ATG10: variants seen among roughly 807,000 people sequenced by gnomAD.
The protein encoded by ATG10 is ubiquitin-like-conjugating enzyme ATG10.
Under a neutral mutation model 32.1 loss-of-function variants are expected in ATG10, and 30 were observed. The ratio of observed to expected loss-of-function variants is 0.94; its 90% CI spans 0.70 to 1.27. The LOEUF (loss-of-function observed/expected upper bound fraction) is 1.27, where lower values mean the gene tolerates loss of function less well. ATG10 is among the 50% of genes most tolerant of loss of function. The probability of loss-of-function intolerance (pLI) is 0.00; values close to 1 mark genes in which losing one functional copy is unlikely to be tolerated. For missense variants in ATG10, 233 were observed against 262.3 expected (o/e 0.89, Z 0.77); for synonymous variants, 87 against 91.5 (o/e 0.95, Z 0.28).
chr5:82,064,149 A>G (rs1270805073), intron 3 of ATG10, among the ~76,000 whole-genome samples: 2 of 152,208 alleles, frequency 1.3e-5, no homozygotes, highest in African/African-American at 4.8e-5. Context: ...ATAATTAATA[A>G]GTTTTATAAT....
At chr5:82,065,854 T>C (rs1269643716) in intron 3 of ATG10, among the ~76,000 whole-genome samples, 1 of 152,126 alleles carries the variant, frequency 6.6e-6, no homozygotes, top group Admixed American at 6.5e-5. Context: ...TATTAACTCT[T>C]AAAATTTTTG....
At chr5:82,073,209 C>T (rs1764180172) in intron 3 of ATG10, 1 of 152,178 alleles carries the variant, frequency 6.6e-6, no homozygotes, top group Non-Finnish European at 1.5e-5. Flanking sequence ...ATACCTGAAA[C>T]CAAGGTTCAT....
intron 3 of ATG10, among the ~76,000 whole-genome samples, chr5:82,091,896 A>G (rs1402484906): frequency 6.6e-6 from 1 of 152,228 alleles, no homozygotes; most frequent in African/African-American, 2.4e-5. Flanking sequence ...TACCAGTAAA[A>G]TCATATTACA....
intron 3 of ATG10, among the ~76,000 whole-genome samples, chr5:82,121,568 G>T (rs911878143): frequency 3.9e-5 from 6 of 152,126 alleles, no homozygotes; most frequent in Non-Finnish European, 5.9e-5. Context: ...TCCAGCTTTT[G>T]CCCATTCAGT....
intron 3 of ATG10, among the ~76,000 whole-genome samples, chr5:82,127,159 G>T (rs182350237): frequency 7.9e-5 from 12 of 152,156 alleles, no homozygotes; most frequent in African/African-American, 2.9e-4. Context: ...GCATGTATTT[G>T]ATTCTTTTCT....
chr5:82,016,338 G>T (rs1315024115), intron 2 of ATG10, among the ~76,000 whole-genome samples: 1 of 152,052 alleles, frequency 6.6e-6, no homozygotes, highest in East Asian at 1.9e-4. Context: ...GTTGAATAGG[G>T]TGTCCTTTCC....
At chr5:82,178,122 G>A (rs924157511) in intron 4 of ATG10, among the ~76,000 whole-genome samples, 1 of 152,148 alleles carries the variant, frequency 6.6e-6, no homozygotes, top group African/African-American at 2.4e-5. Context: ...GAGTAAGTAT[G>A]AAGGATTCAG....
intron 3 of ATG10, among the ~76,000 whole-genome samples, chr5:82,062,932 C>T (rs577983613): frequency 6.6e-6 from 1 of 152,202 alleles, no homozygotes; most frequent in Non-Finnish European, 1.5e-5. Flanking sequence ...TAAGTTCTCT[C>T]TTTCTTCATC....
intron 5 of ATG10, among the ~76,000 whole-genome samples, chr5:82,248,063 G>T (rs570416223): frequency 1.3e-5 from 2 of 152,072 alleles, no homozygotes; most frequent in Non-Finnish European, 2.9e-5. Context: ...TTGGGAACAC[G>T]CTAAAAACTC....
intron 5 of ATG10, among the ~76,000 whole-genome samples, chr5:82,239,118 T>C (rs1425265649): frequency 6.6e-6 from 1 of 152,216 alleles, no homozygotes; most frequent in Non-Finnish European, 1.5e-5. Context: ...AGAAAACAGA[T>C]ACTGAAGTTT....
chr5:81,982,385 G>C (rs1761073408), intron 1 of ATG10, among the ~76,000 whole-genome samples: 1 of 152,156 alleles, frequency 6.6e-6, no homozygotes. Flanking sequence ...AGAATCGCTT[G>C]AACTCGGGAG....
chr5:82,018,918 A>C (rs1308102650), intron 2 of ATG10, among the ~76,000 whole-genome samples: 3 of 152,028 alleles, frequency 2.0e-5, no homozygotes, highest in African/African-American at 7.2e-5. Context: ...TAATGTACTT[A>C]TTTATTATGT....
chr5:82,092,003 G>C (rs1764903525), intron 3 of ATG10, among the ~76,000 whole-genome samples: 2 of 152,124 alleles, frequency 1.3e-5, no homozygotes, highest in Admixed American at 1.3e-4. Context: ...TTGAAACATA[G>C]AAGAATATTT....
At chr5:82,233,521 A>G (rs1746444349) in intron 5 of ATG10, among the ~76,000 whole-genome samples, 1 of 152,212 alleles carries the variant, frequency 6.6e-6, no homozygotes, top group Non-Finnish European at 1.5e-5. Flanking sequence ...CATCTTAATC[A>G]TCACTGCTTT....
chr5:82,060,877 G>A (rs1236568556), intron 3 of ATG10, among the ~76,000 whole-genome samples: 3 of 151,824 alleles, frequency 2.0e-5, no homozygotes, highest in Non-Finnish European at 4.4e-5. Flanking sequence ...TTCATGTTAA[G>A]TGAAAAAAAG....
chr5:82,203,465 G>A (rs953198094), intron 5 of ATG10, among the ~76,000 whole-genome samples: 2 of 152,136 alleles, frequency 1.3e-5, no homozygotes, highest in African/African-American at 4.8e-5. Context: ...CAGAGTCATA[G>A]GGTAGTTGCT....
chr5:82,180,879 G>A (rs1184182703), intron 5 of ATG10, among the ~76,000 whole-genome samples: 4 of 151,794 alleles, frequency 2.6e-5, no homozygotes, highest in African/African-American at 4.8e-5. Context: ...TTAATTCCAC[G>A]TGTCTTTGTT....
chr5:82,080,960 C>T (rs910301096), intron 3 of ATG10, among the ~76,000 whole-genome samples: 2 of 152,144 alleles, frequency 1.3e-5, no homozygotes, highest in Non-Finnish European at 2.9e-5. Flanking sequence ...GGCAGTATGG[C>T]CATTGTCACA....
intron 2 of ATG10, among the ~76,000 whole-genome samples, chr5:82,007,275 C>A (rs777426621): frequency 3.9e-5 from 6 of 152,110 alleles, no homozygotes; most frequent in Non-Finnish European, 7.4e-5. Flanking sequence ...AATTACATAG[C>A]CTCGTTCTAT....
Sources: allele counts gnomAD v4.1 joint callset (sites outside exome capture counted in the v4.1 genomes callset), GRCh38; gene constraint gnomAD v4.1.1; transcripts MANE v1.5; gene names NCBI Gene and HGNC (gene_info 2026-07-23, HGNC 2026-07-21).